Variants in MROH2B observed in about 807,000 individuals in gnomAD.
MROH2B encodes the protein maestro heat-like repeat-containing protein family member 2B.
Under a neutral mutation model 208.6 loss-of-function variants are expected in MROH2B, and 177 were observed. The ratio of observed to expected loss-of-function variants is 0.85; its 90% CI spans 0.75 to 0.96. The LOEUF (loss-of-function observed/expected upper bound fraction) is 0.96, where lower values mean the gene tolerates loss of function less well. MROH2B is among the 40% of genes least tolerant of loss of function. The pLI is 0.00. For synonymous variants in MROH2B, 728 were observed against 659.0 expected (o/e 1.10, Z -1.60); for missense variants, 2,002 against 1,878.7 (o/e 1.07, Z -1.21).
At chr5:41,066,544 T>G (rs1302089429) in intron 3 of MROH2B, among the ~76,000 whole-genome samples, 1 of 152,202 alleles carries the variant, frequency 6.6e-6, no homozygotes, top group Admixed American at 6.5e-5. Flanking sequence ...AATGAAAAGT[T>G]AAATTGGTAC....
Position 41,033,088 on chromosome 5 carries a change from G to C in MROH2B, c.2314C>G (p.Gln772Glu), listed in dbSNP as rs1286333570. 1.9e-6 allele frequency: 3 copies of C among 1,612,974 alleles called. No individual in the cohort carries two copies. Among genetic ancestry groups the C allele is most frequent in the Admixed American group, 3.3e-5 (2 of 59,838 alleles). Residue 772 changes from glutamine (Q) to glutamate (E), a missense_variant, in exon 23 of 42, where the codon CAG becomes GAG. Physicochemically the swap from Gln to Glu is conservative, Grantham distance 29. Transcript: ENST00000399564. ...IGIAVQDAEDQGFQFSYKEML... is the reference protein window; with the variant it reads ...IGIAVQDAEDEGFQFSYKEML... The stretch of plus-strand genomic sequence containing the variant: ...TCCTTGTAGGAAAACTGGAACCCCT[G>C]ATCCTCAGCATCTTGGACAGCAATG...
chr5:41,042,330 A>G, intron 18 of MROH2B, 122 bp from the exon 19 acceptor site: 1 of 578,876 alleles, frequency 1.7e-6, no homozygotes. Flanking sequence ...ATAACCATGT[A>G]CCTCAAGTAT....
At chr5:41,010,168 G>A in intron 30 of MROH2B, 89 bp from the exon 31 acceptor site, 3 of 1,197,508 alleles carry the variant, frequency 2.5e-6, no homozygotes, top group Non-Finnish European at 3.5e-6. Context: ...TGGATGGGCA[G>A]CTGATGAATT....
intron 37 of MROH2B, among the ~76,000 whole-genome samples, chr5:41,001,407 G>A (rs1271454886): frequency 6.6e-6 from 1 of 151,988 alleles, no homozygotes; most frequent in Non-Finnish European, 1.5e-5. Flanking sequence ...GATGGCAGGC[G>A]ATGATTTTAG....
intron 11 of MROH2B, among the ~76,000 whole-genome samples, chr5:41,053,189 C>A (rs1027588707): frequency 2.0e-5 from 3 of 152,160 alleles, no homozygotes; most frequent in Non-Finnish European, 4.4e-5. Flanking sequence ...AGAGTCCAAA[C>A]AACTATGAAA....
At chr5:41,035,161 G>A (rs1202253933) in intron 21 of MROH2B, among the ~76,000 whole-genome samples, 3 of 152,000 alleles carry the variant, frequency 2.0e-5, no homozygotes, top group Non-Finnish European at 4.4e-5. Flanking sequence ...TAAGATGGAA[G>A]TATCATACTA....
intron 21 of MROH2B, 137 bp from the exon 22 acceptor site, chr5:41,034,001 G>T: frequency 8.0e-7 from 1 of 1,248,812 alleles, no homozygotes; most frequent in South Asian, 1.7e-5. Context: ...GGGGGGTCTT[G>T]CCAAGGGGAG....
intron 19 of MROH2B, among the ~76,000 whole-genome samples, chr5:41,041,759 A>T (rs1351425789): frequency 6.6e-6 from 1 of 151,570 alleles, no homozygotes; most frequent in African/African-American, 2.4e-5. Context: ...CATTCTCTCT[A>T]GATTAGTCTA....
At chr5:41,052,211 A>G (rs1223857122) in intron 12 of MROH2B, among the ~76,000 whole-genome samples, 3 of 2,956 alleles carry the variant, frequency 1.0e-3, no homozygotes, top group Non-Finnish European at 5.3e-3. Flanking sequence ...TGATTTTAGA[A>G]AAAAAAAAAA....
At chr5:41,026,929 A>G (rs1394235449) in intron 24 of MROH2B, among the ~76,000 whole-genome samples, 3 of 152,162 alleles carry the variant, frequency 2.0e-5, no homozygotes, top group Admixed American at 6.6e-5. Flanking sequence ...CGAAAACATG[A>G]AATGGGGAAA....
chr5:41,022,218 A>C (rs1187202656), intron 24 of MROH2B, among the ~76,000 whole-genome samples: 2 of 152,152 alleles, frequency 1.3e-5, no homozygotes, highest in Non-Finnish European at 2.9e-5. Flanking sequence ...CAGTGGGTGC[A>C]GCCCACTGAG....
At chr5:41,028,151 A>C (rs1040738262) in intron 24 of MROH2B, among the ~76,000 whole-genome samples, 8 of 152,332 alleles carry the variant, frequency 5.3e-5, no homozygotes, top group Non-Finnish European at 8.8e-5. Context: ...ACAAACCTGC[A>C]CGTTGTGCAC....
chr5:41,020,556 C>A (rs1212024463), intron 24 of MROH2B, among the ~76,000 whole-genome samples: 1 of 152,180 alleles, frequency 6.6e-6, no homozygotes, highest in Non-Finnish European at 1.5e-5. Flanking sequence ...TGCTCTTTTA[C>A]AACCTAGTTC....
intron 24 of MROH2B, among the ~76,000 whole-genome samples, chr5:41,027,341 AG>A (rs1334711370): frequency 6.6e-6 from 1 of 152,246 alleles, no homozygotes; most frequent in Non-Finnish European, 1.5e-5. Context: ...CAAATTTACA[AG>A]GAAAAATCAA....
intron 5 of MROH2B, among the ~76,000 whole-genome samples, chr5:41,062,421 G>A (rs893270374): frequency 6.6e-6 from 1 of 152,208 alleles, no homozygotes; most frequent in African/African-American, 2.4e-5. Flanking sequence ...CCTAAGTGGT[G>A]GCCACATGGG....
rs546133595 is a variant in MROH2B at position 41,032,759 on chromosome 5, G to A, written c.2424C>T (p.Ile808=). The A allele has an allele frequency of 3.2e-5, 52 of 1,612,298 alleles. No homozygotes were observed. In the Middle Eastern group the frequency reaches 2.6e-3, roughly 82 times the overall value. The change falls in exon 24 of 42, where the codon ATC becomes ATT. Residue 808 remains isoleucine (I), a synonymous_variant. Transcript: ENST00000399564. The part of the protein sequence containing the change: ...LASPIRWKAL[I]AIRYLSKLKP... ...TTATCTACCTGAGATACCTAATGGC[G>A]ATTAAGGCTTTCCACCGAATAGGGC... is the stretch of plus-strand genomic sequence containing the variant.
In MROH2B at chr5:41,064,561, C is replaced by A; in HGVS notation, c.371G>T (p.Ser124Ile). ...CAGGGTCATCATCATGAAAGGAATA[C>A]TCTGGGACACTGGAGGGAGAGGCAG... ...AELATSYVSQ[S>I]IPFMMMTLLT... Residue 124 changes from serine (S) to isoleucine (I), a missense_variant, in exon 5 of 42, where the codon AGT (serine) becomes ATT (isoleucine). Physicochemically the swap from Ser to Ile is moderately radical, Grantham distance 142. Coordinates refer to ENST00000399564, the MANE Select transcript of MROH2B (RefSeq NM_173489.5). 6.2e-7 allele frequency: 1 copy of A among 1,611,876 alleles called. No homozygotes were observed. The highest frequency in any genetic ancestry group is 8.5e-7 in the Non-Finnish European group (1 of 1,178,502).
chr5:41,030,681 A>C (rs970817226), intron 24 of MROH2B, among the ~76,000 whole-genome samples: 5 of 152,142 alleles, frequency 3.3e-5, no homozygotes, highest in Non-Finnish European at 5.9e-5. Flanking sequence ...TAGTAAGAAA[A>C]AAGAACAAAT....
At chr5:41,031,149 G>A (rs551019494) in intron 24 of MROH2B, among the ~76,000 whole-genome samples, 1 of 152,222 alleles carries the variant, frequency 6.6e-6, no homozygotes, top group South Asian at 2.1e-4. Flanking sequence ...AAAGGAAAGA[G>A]GTTTAATTGA....
Sources: gnomAD v4.1 joint callset for allele counts (sites outside exome capture counted in the v4.1 genomes callset) on GRCh38, gnomAD v4.1.1 for gene constraint, MANE v1.5 for transcripts, NCBI Gene and HGNC (gene_info 2026-07-23, HGNC 2026-07-21) for gene names.